RASA3: variants seen among roughly 807,000 people sequenced by gnomAD.
The protein encoded by RASA3 is ras GTPase-activating protein 3.
RASA3 carries 73 observed loss-of-function variants against 110.0 expected under a neutral mutation model. The observed-to-expected ratio is 0.66, with a 90% CI of 0.55 to 0.81. RASA3 has a LOEUF of 0.81. Among genes scored for constraint, RASA3 ranks in the 30% least tolerant of loss-of-function variants. The pLI is 0.00. For missense variants in RASA3, 976 were observed against 1,113.2 expected (o/e 0.88, Z 1.75); for synonymous variants, 500 against 451.4 (o/e 1.11, Z -1.37).
intron 18 of RASA3, among the ~76,000 whole-genome samples, chr13:114,004,321 A>G (rs959244202): frequency 2.0e-5 from 3 of 151,952 alleles, no homozygotes; most frequent in African/African-American, 7.3e-5. Flanking sequence ...GCACAGATCC[A>G]ACAGGGGACT....
Position 113,999,758 on chromosome 13 carries a change from C to T in RASA3, c.1850-91G>A, listed in dbSNP as rs566850547. The T allele has an allele frequency of 9.6e-5, 70 of 732,552 alleles. No individual in the cohort carries two copies. The African/African-American group carries it at 1.8e-3, about 18-fold the overall frequency. 45.4% of individuals were successfully genotyped at this position (732,552 alleles called of 1,614,324 possible). A position where few individuals can be genotyped will look rare whatever the true frequency, so the allele number is the denominator to read the frequency against. On this transcript the variant is annotated intron_variant, in intron 19 of 23. Coordinates refer to ENST00000334062, the MANE Select transcript of RASA3 (RefSeq NM_007368.4). ...TGAGGGGTCTCTGCCGGGGGGTCTC[C>T]CAGGGGGTCTTTACCGGGGGGTCTC... is the stretch of plus-strand genomic sequence containing the variant.
At chr13:114,067,312 T>C (rs895458989) in intron 2 of RASA3, among the ~76,000 whole-genome samples, 10 of 152,206 alleles carry the variant, frequency 6.6e-5, no homozygotes, top group African/African-American at 2.4e-4. Flanking sequence ...ATGGGTCCCC[T>C]ACTCCAGCAG....
At chr13:113,995,802 A>ACGGGGGG (rs1233982727) in intron 21 of RASA3, among the ~76,000 whole-genome samples, 4 of 15,462 alleles carry the variant, frequency 2.6e-4, no homozygotes, top group Non-Finnish European at 3.9e-4. Flanking sequence ...GGTCCGGCTG[A>ACGGGGGG]TGGGGGTCCG....
rs1156308054 is a variant in RASA3 at position 114,018,983 on chromosome 13, G to T, written c.786-64C>A. The T allele has an allele frequency of 2.5e-6, 4 of 1,595,438 alleles. No individual in the cohort carries two copies. The Admixed American group carries it at 6.7e-5, about 27-fold the overall frequency. ...GCATCTGCCAAGGAGCAGCTCTCAG[G>T]GAAGCCCAGCTGCCTGCTTGAGGTC... is the stretch of plus-strand genomic sequence containing the variant. On this transcript the variant is annotated intron_variant, in intron 9 of 23. Coordinates refer to ENST00000334062, the MANE Select transcript of RASA3 (RefSeq NM_007368.4).
chr13:114,045,870 TAAATGTGCA>T (rs2079044515), intron 3 of RASA3, among the ~76,000 whole-genome samples: 1 of 152,220 alleles, frequency 6.6e-6, no homozygotes, highest in South Asian at 2.1e-4. Flanking sequence ...TAAATGTTTT[TAAATGTGCA>T]AAATGTGTAG....
chr13:114,019,786 C>CG (rs2053879574), intron 9 of RASA3, among the ~76,000 whole-genome samples: 1 of 137,808 alleles, frequency 7.3e-6, no homozygotes, highest in African/African-American at 2.7e-5. Flanking sequence ...AGGCATTAGC[C>CG]CCCCTCAGGT....
chr13:114,081,854 C>T (rs535637806), intron 1 of RASA3, among the ~76,000 whole-genome samples: 100 of 152,324 alleles, frequency 6.6e-4, no homozygotes, highest in African/African-American at 2.3e-3. Context: ...CCAGGGCCCC[C>T]GTGTTCCTAG....
In RASA3 at chr13:114,096,184, T is replaced by C. The variant is rs2079942171; in HGVS notation, c.56-22347A>G. Among the ~76,000 whole-genome samples the C allele has an allele frequency of 6.6e-6, 1 of 152,102 alleles. No individual in the cohort carries two copies. Among genetic ancestry groups the C allele is most frequent in the Non-Finnish European group, 1.5e-5 (1 of 68,010 alleles). On this transcript the variant is annotated intron_variant, in intron 1 of 23. Transcript: ENST00000334062. The surrounding 1 kb of genome is among the most constrained non-coding windows in gnomAD (Gnocchi z 5.1). ...AAAAGGGGTGCTCTCCAGGTGGCCC[T>C]GGCGGCATCGGTGTGCTGGGAAGGG... is the stretch of plus-strand genomic sequence containing the variant.
chr13:114,025,838 C>T (rs1159453752), intron 7 of RASA3, among the ~76,000 whole-genome samples: 1 of 152,234 alleles, frequency 6.6e-6, no homozygotes, highest in Non-Finnish European at 1.5e-5. Flanking sequence ...CTGACCACAG[C>T]CCGCGGGGGA....
chr13:114,127,548 C>A, intron 1 of RASA3, among the ~76,000 whole-genome samples: 1 of 152,226 alleles, frequency 6.6e-6, no homozygotes, highest in East Asian at 1.9e-4. Context: ...ACCAACAAGT[C>A]TCTCTGTTCT....
At chr13:114,087,225 C>T (rs1485392206) in intron 1 of RASA3, among the ~76,000 whole-genome samples, 1 of 77,290 alleles carries the variant, frequency 1.3e-5, no homozygotes, top group Non-Finnish European at 3.9e-5. Context: ...GCGGGGAAAT[C>T]ACGGGGAAGT....
Position 114,041,065 on chromosome 13 carries a change from G to GC in RASA3, c.306dup (p.Gln103AlafsTer18). ...CAGGTGTCCCTGTTGTGGTACTTCTGCAAGTCCTCCTTCTGGATGGCCACC... is the reference window on the plus strand; with the variant it reads ...CAGGTGTCCCTGTTGTGGTACTTCTGCCAAGTCCTCCTTCTGGATGGCCACC... On this transcript the variant is annotated frameshift_variant, in exon 4 of 24. Coordinates refer to ENST00000334062, the MANE Select transcript of RASA3 (RefSeq NM_007368.4). LOFTEE classifies it high-confidence loss of function. 1 of 1,613,838 alleles carries GC rather than the reference G, an allele frequency of 6.2e-7. No individual in the cohort carries two copies. Among genetic ancestry groups the GC allele is most frequent in the Non-Finnish European group, 8.5e-7 (1 of 1,180,028 alleles).
intron 1 of RASA3, among the ~76,000 whole-genome samples, chr13:114,130,140 C>T (rs1355428778): frequency 6.6e-6 from 1 of 152,248 alleles, no homozygotes; most frequent in Non-Finnish European, 1.5e-5. Flanking sequence ...CAAACCAGCG[C>T]ACCCACAGGT....
At chr13:114,060,455 G>A (rs765873774) in intron 2 of RASA3, among the ~76,000 whole-genome samples, 30 of 152,218 alleles carry the variant, frequency 2.0e-4, no homozygotes, top group Non-Finnish European at 3.4e-4. Context: ...TCCACAGGTG[G>A]GGCTTTCTGC....
chr13:114,066,030 C>T (rs529938168), intron 2 of RASA3, among the ~76,000 whole-genome samples: 1 of 152,184 alleles, frequency 6.6e-6, no homozygotes, highest in East Asian at 1.9e-4. Context: ...GGAGCTGCCC[C>T]TCGGCTCATG....
intron 22 of RASA3, 95 bp downstream of exon 22, chr13:113,992,390 C>T (rs1014461310): frequency 1.0e-6 from 1 of 961,722 alleles, no homozygotes; most frequent in Admixed American, 1.9e-5. Context: ...ACCAGAGGCT[C>T]AGACCACAGG....
intron 1 of RASA3, among the ~76,000 whole-genome samples, chr13:114,082,218 G>A (rs2079796682): frequency 1.3e-5 from 2 of 152,176 alleles, no homozygotes; most frequent in Non-Finnish European, 2.9e-5. Flanking sequence ...CAGGCAGGAG[G>A]CCAGAGACGT....
chr13:114,079,349 A>G (rs1387709693), intron 1 of RASA3, among the ~76,000 whole-genome samples: 1 of 152,214 alleles, frequency 6.6e-6, no homozygotes, highest in African/African-American at 2.4e-5. Flanking sequence ...ACCCCGTCCC[A>G]GCAATAAAGC....
intron 4 of RASA3, among the ~76,000 whole-genome samples, chr13:114,030,454 G>GGAGGCAAGACTCACGCAGAGAGCAAGA (rs1566501682): frequency 7.1e-5 from 8 of 112,614 alleles, no homozygotes; most frequent in Admixed American, 2.5e-4. Flanking sequence ...AGAGGGCAAG[G>GGAGGCAAGACTCACGCAGAGAGCAAGA]CTCACACAGA....
Sources: allele counts gnomAD v4.1 joint callset (sites outside exome capture counted in the v4.1 genomes callset), GRCh38; gene constraint gnomAD v4.1.1; non-coding constraint Gnocchi (gnomAD v3.1); transcripts MANE v1.5; gene names NCBI Gene and HGNC (gene_info 2026-07-23, HGNC 2026-07-21).